Variants in FIGN observed in about 807,000 individuals in gnomAD.
FIGN encodes the protein fidgetin, microtubule severing factor.
In FIGN, 11 loss-of-function variants were observed where a neutral mutation model predicts 51.3. That is an observed-to-expected ratio of 0.21 (90% CI 0.13 to 0.35). FIGN has a LOEUF of 0.35. Among genes scored for constraint, FIGN ranks in the 10% least tolerant of loss-of-function variants. The pLI is 1.00. For missense variants in FIGN, 857 were observed against 943.6 expected (o/e 0.91, Z 1.20); for synonymous variants, 407 against 363.2 (o/e 1.12, Z -1.37).
rs925022679 is a variant in FIGN, at chr2:163,686,377, G to A, written c.25+48526C>T. ...TGATTAAATGTACACTTAATGTGGC[G>A]AAAAGCTTTTCTGTGGCATGGCAGA... On this transcript the variant is annotated intron_variant, in intron 2 of 2. Coordinates refer to ENST00000333129, the MANE Select transcript of FIGN (RefSeq NM_018086.4). Among the ~76,000 whole-genome samples, 7 of 152,116 alleles carry A rather than the reference G, an allele frequency of 4.6e-5. 1 individual carries two copies. Among genetic ancestry groups the A allele is most frequent in the South Asian group, 2.1e-4 (1 of 4,830 alleles).
chr2:163,685,701 A>C (rs940579337), intron 2 of FIGN, among the ~76,000 whole-genome samples: 1 of 152,212 alleles, frequency 6.6e-6, no homozygotes, highest in African/African-American at 2.4e-5. Flanking sequence ...AGAATACTTT[A>C]ATTTGTAAAT....
chr2:163,706,056 C>T (rs1168052497), intron 2 of FIGN, among the ~76,000 whole-genome samples: 1 of 152,156 alleles, frequency 6.6e-6, no homozygotes, highest in Non-Finnish European at 1.5e-5. Flanking sequence ...TCCTGAACTA[C>T]ATTTTCAGCT....
At chr2:163,671,833 CA>C (rs956588499) in intron 2 of FIGN, among the ~76,000 whole-genome samples, 2 of 152,080 alleles carry the variant, frequency 1.3e-5, no homozygotes, top group Admixed American at 6.6e-5. Context: ...ATTAACATGA[CA>C]AGGATATGAA....
chr2:163,610,632 G>A lies in FIGN; in HGVS notation c.1200C>T (p.Thr400=), dbSNP rs148147824. 2 of 1,614,142 alleles carry A rather than the reference G, an allele frequency of 1.2e-6. No individual in the cohort carries two copies. Among genetic ancestry groups the A allele is most frequent in the Non-Finnish European group, 1.7e-6 (2 of 1,180,010 alleles). ...TTTTAGCAGTACTGTAGGAAGGAGG[G>A]GTCAGAGCCCTACTGGACTGGCTGC... ...KFSSQSSRAL[T]PPSYSTAKNS... Residue 400 remains threonine (T), a synonymous_variant, in exon 3 of 3, where the codon ACC becomes ACT. Transcript: ENST00000333129.
rs1691223035 is a variant in FIGN at position 163,610,599 on chromosome 2, C to T, written c.1233G>A (p.Leu411=). 4 of 1,614,164 alleles carry T rather than the reference C, an allele frequency of 2.5e-6. No individual in the cohort carries two copies. The highest frequency in any genetic ancestry group is 2.5e-6 in the Non-Finnish European group (3 of 1,180,022). ...CAAAGGATTCACTGGATCTTGATCC[C>T]AATGAATTTTTAGCAGTACTGTAGG... ...PPSYSTAKNS[L]GSRSSESFGK... is the part of the protein sequence containing the mutation. Residue 411 remains leucine, a synonymous_variant, in exon 3 of 3, where the codon TTG becomes TTA. Coordinates refer to ENST00000333129, the MANE Select transcript of FIGN (RefSeq NM_018086.4).
At chr2:163,629,999 A>G (rs2105310164) in intron 2 of FIGN, among the ~76,000 whole-genome samples, 1 of 109,228 alleles carries the variant, frequency 9.2e-6, no homozygotes, top group South Asian at 2.8e-4. Flanking sequence ...GTCTTGCTCT[A>G]TCATCCAGTC....
rs1369790681 is a variant in FIGN, at chr2:163,660,752, C to CACATAT, written c.26-48952_26-48947dup. Among the ~76,000 whole-genome samples the CACATAT allele has an allele frequency of 9.1e-5, 2 of 21,886 alleles. 1 individual carries two copies. The highest frequency in any genetic ancestry group is 1.9e-4 in the Non-Finnish European group (2 of 10,442). 14.4% of individuals were successfully genotyped at this position (21,886 alleles called of 152,430 possible). A position where few individuals can be genotyped will look rare whatever the true frequency, so the allele number is the denominator to read the frequency against. On this transcript the variant is annotated intron_variant, in intron 2 of 2. Coordinates refer to ENST00000333129, the MANE Select transcript of FIGN (RefSeq NM_018086.4). ...ATACACATATACATATATATGTATA[C>CACATAT]ACATATACATATATATGTATACACA...
chr2:163,643,839 G>A (rs1683341291), intron 2 of FIGN, among the ~76,000 whole-genome samples: 1 of 144,686 alleles, frequency 6.9e-6, no homozygotes, highest in Admixed American at 7.2e-5. Context: ...GGCTGAGGCA[G>A]GACAATCGCT....
chr2:163,609,927 T>C lies in FIGN; in HGVS notation c.1905A>G (p.Glu635=). 5 of 1,614,054 alleles carry C rather than the reference T, an allele frequency of 3.1e-6. No homozygotes were observed. Among genetic ancestry groups the C allele is most frequent in the Non-Finnish European group, 4.2e-6 (5 of 1,180,030 alleles). ...VVICATSKPE[E]IDESLRRYFM... ...AGTACCTCCGAAGGGATTCATCTAT[T>C]TCTTCTGGTTTACTGGTGGCACAAA... The change falls in exon 3 of 3, where the codon GAA becomes GAG. Residue 635 remains glutamate (E), a synonymous_variant. Transcript: ENST00000333129.
chr2:163,684,236 T>C (rs372855368), intron 2 of FIGN, among the ~76,000 whole-genome samples: 3 of 152,362 alleles, frequency 2.0e-5, no homozygotes, highest in East Asian at 3.9e-4. Context: ...CTTGAAATAC[T>C]ATTTAGTCTC....
At chr2:163,728,285 G>A (rs747784350) in intron 2 of FIGN, among the ~76,000 whole-genome samples, 17 of 151,634 alleles carry the variant, frequency 1.1e-4, no homozygotes, top group Admixed American at 2.6e-4. Context: ...TGCCTTAACC[G>A]AGGAGGGATA....
intron 2 of FIGN, among the ~76,000 whole-genome samples, chr2:163,632,777 G>A (rs1314112380): frequency 6.6e-6 from 1 of 152,178 alleles, no homozygotes; most frequent in Non-Finnish European, 1.5e-5. Flanking sequence ...TTACAGGCGG[G>A]TAGATTTCAG....
At chr2:163,616,177 C>T (rs1332581216) in intron 2 of FIGN, among the ~76,000 whole-genome samples, 1 of 152,148 alleles carries the variant, frequency 6.6e-6, no homozygotes, top group African/African-American at 2.4e-5. Context: ...CAGTTACTGC[C>T]TTGTTGCTTT....
chr2:163,728,663 A>G (rs1053961408), intron 2 of FIGN, among the ~76,000 whole-genome samples: 17 of 152,124 alleles, frequency 1.1e-4, no homozygotes, highest in Admixed American at 6.5e-4. Flanking sequence ...TCAGTCTCCA[A>G]TAGGAAACCT....
intron 2 of FIGN, among the ~76,000 whole-genome samples, chr2:163,714,831 A>G (rs1474393159): frequency 6.6e-6 from 1 of 152,224 alleles, no homozygotes; most frequent in Non-Finnish European, 1.5e-5. Flanking sequence ...TTTCAACCTA[A>G]TACATTCACA....
chr2:163,724,416 A>C (rs1684807695), intron 2 of FIGN, among the ~76,000 whole-genome samples: 1 of 152,174 alleles, frequency 6.6e-6, no homozygotes, highest in African/African-American at 2.4e-5. Context: ...AGATCTCTTG[A>C]TATATATAAA....
intron 2 of FIGN, among the ~76,000 whole-genome samples, chr2:163,729,538 C>A (rs916207953): frequency 6.6e-6 from 1 of 151,812 alleles, no homozygotes; most frequent in African/African-American, 2.4e-5. Flanking sequence ...GAACAGAAAC[C>A]TAGTAAGAAG....
intron 2 of FIGN, among the ~76,000 whole-genome samples, chr2:163,683,655 G>A (rs1414131617): frequency 6.6e-6 from 1 of 152,124 alleles, no homozygotes; most frequent in Non-Finnish European, 1.5e-5. Context: ...TGCCTGGGGA[G>A]CTTTAAAAAA....
chr2:163,664,863 G>A (rs956403930), intron 2 of FIGN, among the ~76,000 whole-genome samples: 6 of 152,138 alleles, frequency 3.9e-5, no homozygotes, highest in East Asian at 1.9e-4. Flanking sequence ...CTAACATTGC[G>A]TCACACCAGT....
Sources: allele counts gnomAD v4.1 joint callset (sites outside exome capture counted in the v4.1 genomes callset), GRCh38; gene constraint gnomAD v4.1.1; transcripts MANE v1.5; gene names NCBI Gene and HGNC (gene_info 2026-07-23, HGNC 2026-07-21).